The following RTL9 variants were observed in gnomAD, a reference collection of about 807,000 sequenced individuals.
RTL9 encodes the protein retrotransposon Gag like 9, also known as retrotransposon Gag-like protein 9.
In RTL9, 19 loss-of-function variants were observed where a neutral mutation model predicts 44.7. The ratio of observed to expected loss-of-function variants is 0.42; its 90% CI spans 0.30 to 0.62. The LOEUF is 0.62. Among genes scored for constraint, RTL9 ranks in the 20% least tolerant of loss-of-function variants. RTL9 has a pLI of 0.16. For missense variants in RTL9, 1,105 were observed against 1,080.6 expected (o/e 1.02, Z -0.32); for synonymous variants, 407 against 398.9 (o/e 1.02, Z -0.24).
At chrX:110,444,799 G>A (rs935699798) in intron 1 of RTL9, among the ~76,000 whole-genome samples, 3 of 112,055 alleles carry the variant, frequency 2.7e-5, no homozygotes, top group African/African-American at 6.5e-5. Context: ...TACCTGCTTC[G>A]CAATCTGCAG....
At chrX:110,381,454 A>G (rs954080768) in intron 1 of RTL9, among the ~76,000 whole-genome samples, 1 of 111,814 alleles carries the variant, frequency 8.9e-6, no homozygotes, top group Non-Finnish European at 1.9e-5. Context: ...GTGAAAAGGG[A>G]ATGTGTATAC....
chrX:110,384,078 T>C lies in RTL9; in HGVS notation c.-168+25162T>C, dbSNP rs1014084969. On this transcript the variant is annotated intron_variant, in intron 1 of 2. Transcript: ENST00000520821. ...CTTCTATTGTTTTATTGTTATCGTA[T>C]ATATAACCTACTTGTATATGTAATA... is the stretch of plus-strand genomic sequence containing the variant. 6.2e-5 allele frequency among the ~76,000 whole-genome samples: 7 copies of C among 112,244 alleles called. 1 individual carries two copies. In the Admixed American group the frequency reaches 6.6e-4, roughly 11 times the overall value.
At chrX:110,437,803 G>C (rs144540495) in intron 1 of RTL9, among the ~76,000 whole-genome samples, 1 of 110,902 alleles carries the variant, frequency 9.0e-6, no homozygotes, top group African/African-American at 3.3e-5. Context: ...GATTGAGGGG[G>C]CAGCAGATTG....
At chrX:110,396,273 T>A (rs1443880489) in intron 1 of RTL9, among the ~76,000 whole-genome samples, 1 of 111,658 alleles carries the variant, frequency 9.0e-6, no homozygotes, top group African/African-American at 3.3e-5. Context: ...AAATATAGTA[T>A]AATGAACCCC....
Position 110,433,742 on chromosome X carries a change from T to G in RTL9, c.-167-11411T>G, listed in dbSNP as rs191205906. Among the ~76,000 whole-genome samples the G allele has an allele frequency of 2.1e-3, 239 of 112,347 alleles. 3 individuals carry two copies. The highest frequency in any genetic ancestry group is 6.4e-4 in the Non-Finnish European group (34 of 53,290). ...CTGAATGAGTGTTAACTAGCCTTTC[T>G]TCTTATCATGATCATCTTCATTGTC... is the stretch of plus-strand genomic sequence containing the variant. On this transcript the variant is annotated intron_variant, in intron 1 of 3. Transcript: ENST00000465301.
chrX:110,418,016 A>G (rs971090031), upstream of RTL9, among the ~76,000 whole-genome samples: 12 of 112,530 alleles, frequency 1.1e-4, no homozygotes, highest in South Asian at 3.7e-4. Flanking sequence ...TGGCATTTAC[A>G]TTTGGCCTTG....
At chrX:110,418,106 C>A (rs1260328838), upstream of RTL9, among the ~76,000 whole-genome samples, 1 of 112,558 alleles carries the variant, frequency 8.9e-6, no homozygotes, top group Admixed American at 9.3e-5. Flanking sequence ...GCAAAGAACC[C>A]AAAGAGATGA....
exon 1 of RTL9, chrX:110,453,858 A>T (rs1310826834): frequency 2.5e-6 from 3 of 1,211,967 alleles, no homozygotes; most frequent in Non-Finnish European, 3.4e-6. Context: ...AGGCCCTGGA[A>T]CAATGTCCAC....
intron 1 of RTL9, among the ~76,000 whole-genome samples, chrX:110,424,289 C>T (rs1013897949): frequency 8.9e-5 from 10 of 111,827 alleles, no homozygotes; most frequent in African/African-American, 3.2e-4. Context: ...TCTTACTCCA[C>T]TTTTTGCTGA....
chrX:110,447,029 G>A (rs2068911729), upstream of RTL9, among the ~76,000 whole-genome samples: 1 of 106,283 alleles, frequency 9.4e-6, no homozygotes. Context: ...CACAGTAAAC[G>A]TTAGCTTTAA....
At chrX:110,429,730 T>C (rs5942926) in intron 1 of RTL9, among the ~76,000 whole-genome samples, 41,766 of 110,715 alleles carry the variant, frequency 0.38, 9,176 homozygotes, top group African/African-American at 0.84. Context: ...GTTCCACCTG[T>C]CTCGGCCTCC....
At chrX:110,450,818 A>G in exon 1 of RTL9, 1 of 1,211,421 alleles carries the variant, frequency 8.3e-7, no homozygotes, top group Non-Finnish European at 1.1e-6. Context: ...AGTTGATGAC[A>G]TCTCCAGTCT....
intron 1 of RTL9, among the ~76,000 whole-genome samples, chrX:110,399,218 C>T (rs2068548247): frequency 8.9e-6 from 1 of 112,521 alleles, no homozygotes; most frequent in Admixed American, 9.4e-5. Context: ...CTTTCTGTAC[C>T]TTACTTTTAA....
chrX:110,421,460 C>T (rs192940490), intron 1 of RTL9, among the ~76,000 whole-genome samples: 97 of 112,434 alleles, frequency 8.6e-4, no homozygotes, highest in Non-Finnish European at 2.1e-4. Flanking sequence ...AGTTGTGTTG[C>T]GACTTGTATT....
intron 1 of RTL9, among the ~76,000 whole-genome samples, chrX:110,400,204 T>C (rs2068554935): frequency 9.4e-6 from 1 of 106,036 alleles, no homozygotes; most frequent in Non-Finnish European, 1.9e-5. Context: ...AATAGTATTA[T>C]GTGCCACTGA....
At chrX:110,438,117 C>T (rs1430969303) in intron 1 of RTL9, among the ~76,000 whole-genome samples, 1 of 111,150 alleles carries the variant, frequency 9.0e-6, no homozygotes, top group Non-Finnish European at 1.9e-5. Context: ...CTTGCAGACT[C>T]CTGTTCTGAG....
intron 1 of RTL9, among the ~76,000 whole-genome samples, chrX:110,434,110 A>G: frequency 8.9e-6 from 1 of 111,916 alleles, no homozygotes; most frequent in Middle Eastern, 4.6e-3. Context: ...CAGTGGAGGC[A>G]GGGGAAGACA....
chrX:110,393,759 G>A (rs1477233114), intron 1 of RTL9, among the ~76,000 whole-genome samples: 1 of 112,323 alleles, frequency 8.9e-6, no homozygotes, highest in Non-Finnish European at 1.9e-5. Flanking sequence ...TTTCCCCAGG[G>A]CCACTGTCCA....
At chrX:110,425,928 T>A (rs1245433430) in intron 1 of RTL9, among the ~76,000 whole-genome samples, 1 of 112,499 alleles carries the variant, frequency 8.9e-6, no homozygotes, top group African/African-American at 3.2e-5. Context: ...GTGCTCTGTG[T>A]CAGCTCCTGT....
Sources: gnomAD v4.1 joint callset for allele counts (sites outside exome capture counted in the v4.1 genomes callset) on GRCh38, gnomAD v4.1.1 for gene constraint, MANE v1.5 for transcripts, NCBI Gene and HGNC (gene_info 2026-07-23, HGNC 2026-07-21) for gene names.